USP42: variants seen among roughly 807,000 people sequenced by gnomAD.
The protein encoded by USP42 is ubiquitin specific peptidase 42, also known as ubiquitin carboxyl-terminal hydrolase 42.
USP42 carries 23 observed loss-of-function variants against 113.0 expected under a neutral mutation model. That is an observed-to-expected ratio of 0.20 (90% confidence interval 0.15 to 0.29). The LOEUF (loss-of-function observed/expected upper bound fraction) is 0.29. Among genes scored for constraint, USP42 ranks in the 10% least tolerant of loss-of-function variants. The pLI, the probability that USP42 is intolerant of heterozygous loss-of-function variation, is 1.00. For synonymous variants in USP42, 933 were observed against 699.0 expected (o/e 1.33, Z -5.28); for missense variants, 2,174 against 1,779.8 (o/e 1.22, Z -3.99).
At chr7:6,119,498 C>G (rs985168024) in intron 3 of USP42, among the ~76,000 whole-genome samples, 3 of 152,052 alleles carry the variant, frequency 2.0e-5, no homozygotes, top group Non-Finnish European at 2.9e-5. Flanking sequence ...TGTTCTGGCT[C>G]TTCATGGTTG....
At chr7:6,105,819 A>T (rs1779248849) in intron 1 of USP42, among the ~76,000 whole-genome samples, 1 of 152,180 alleles carries the variant, frequency 6.6e-6, no homozygotes, top group African/African-American at 2.4e-5. Flanking sequence ...CCCATCTAGG[A>T]CTTTAACCCC....
rs780076982 is a variant in USP42, at chr7:6,115,336, C to T, written c.255C>T (p.Gly85=). 3.1e-6 allele frequency: 5 copies of T among 1,613,840 alleles called. No homozygotes were observed. Among genetic ancestry groups the T allele is most frequent in the South Asian group, 1.1e-5 (1 of 91,090 alleles). Residue 85 remains glycine (G), a synonymous_variant, in exon 3 of 18, where the codon GGC becomes GGT. Transcript: ENST00000306177. ...SPQKDQALGD[G]IAPPQKVLFP... ...TTATTTTTCTAGCCCTAGGTGATGG[C>T]ATCGCTCCTCCACAGAAAGTTCTTT...
At chr7:6,102,625 C>CTG (rs932380476), upstream of USP42, among the ~76,000 whole-genome samples, 1 of 150,580 alleles carries the variant, frequency 6.6e-6, no homozygotes, top group Non-Finnish European at 1.5e-5. Flanking sequence ...GTGTGGTGGG[C>CTG]TGTGCCTGTG....
chr7:6,140,128 A>G lies in USP42; in HGVS notation c.657A>G (p.Lys219=), dbSNP rs1429747677. 1 of 1,613,940 alleles carries G rather than the reference A, an allele frequency of 6.2e-7. No individual in the cohort carries two copies. The highest frequency in any genetic ancestry group is 8.5e-7 in the Non-Finnish European group (1 of 1,179,824). The change falls in exon 6 of 18, where the codon AAA becomes AAG. Residue 219 remains lysine, a splice_region_variant and synonymous_variant. Coordinates refer to ENST00000306177, the MANE Select transcript of USP42 (RefSeq NM_032172.3). ...MQKACLNGSN[K]LDRHTQATTL... ...CATGTCACTGTTCAACGTTTTTCAG[A>G]TTAGACAGACACACCCAGGCCACCA...
intron 12 of USP42, among the ~76,000 whole-genome samples, chr7:6,149,325 C>T (rs1781902039): frequency 6.6e-6 from 1 of 152,134 alleles, no homozygotes; most frequent in African/African-American, 2.4e-5. Context: ...TGGGACAGAA[C>T]GAGTTTGGTC....
Position 6,154,207 on chromosome 7 carries a change from G to T in USP42, c.2653G>T (p.Asp885Tyr). ...CGGGGACCACGCCCGGGACGCTCAG[G>T]ACCCATCCCAGAGCTTGGGCGCACC... is the stretch of plus-strand genomic sequence containing the variant. ...PSGDHARDAQ[D>Y]PSQSLGAPEA... is the part of the protein sequence containing the mutation. The change falls in exon 15 of 18, where the codon GAC (aspartate) becomes TAC (tyrosine). Residue 885 changes from aspartate (D) to tyrosine (Y), a missense_variant. Physicochemically the swap from Asp to Tyr is radical, Grantham distance 160. Transcript: ENST00000306177. 1 of 1,606,304 alleles carries T rather than the reference G, an allele frequency of 6.2e-7. No homozygotes were observed. Among genetic ancestry groups the T allele is most frequent in the African/African-American group, 1.3e-5 (1 of 75,004 alleles).
At chr7:6,128,054 C>G (rs533942557) in intron 3 of USP42, 1 of 152,254 alleles carries the variant, frequency 6.6e-6, no homozygotes, top group East Asian at 1.9e-4. Flanking sequence ...TCAAGCTATC[C>G]TCCTGCCTCA....
chr7:6,157,723 C>T lies in USP42; in HGVS notation c.3943+668C>T, dbSNP rs76351028. ...AGCATTCTGAGTGCACCCTGATGCT[C>T]GGTACTGATTTGCTCGCTTGGTTCC... On this transcript the variant is annotated intron_variant, in intron 16 of 17. Coordinates refer to ENST00000306177, the MANE Select transcript of USP42 (RefSeq NM_032172.3). The surrounding 1 kb of genome is among the most constrained non-coding windows in gnomAD (Gnocchi z 4.1). 0.032 allele frequency among the ~76,000 whole-genome samples: 4,806 copies of T among 152,284 alleles called. 110 individuals carry two copies. Among genetic ancestry groups the T allele is most frequent in the Non-Finnish European group, 0.042 (2,865 of 68,012 alleles).
Position 6,152,032 on chromosome 7 carries a change from T to TAA in USP42, c.2201+1535_2201+1536dup, listed in dbSNP as rs542625271. Among the ~76,000 whole-genome samples the TAA allele has an allele frequency of 4.8e-4, 73 of 150,602 alleles. 1 individual carries two copies. The South Asian group carries it at 0.011, about 23-fold the overall frequency. On this transcript the variant is annotated intron_variant, in intron 14 of 17. Transcript: ENST00000306177. ...AGATAATAAAACCTGCCCCACAATT[T>TAA]AAAAAAAAAATCATGTCATGTTAGT...
intron 3 of USP42, among the ~76,000 whole-genome samples, chr7:6,133,779 C>T (rs904565912): frequency 3.9e-5 from 6 of 152,138 alleles, no homozygotes; most frequent in South Asian, 4.1e-4. Context: ...CTCAGCCTCC[C>T]GAAGCACTGG....
intron 2 of USP42, among the ~76,000 whole-genome samples, chr7:6,114,529 C>T (rs1156736571): frequency 2.0e-5 from 3 of 150,304 alleles, no homozygotes; most frequent in Non-Finnish European, 3.0e-5. Context: ...AGAGTTTTTT[C>T]TAAAAATCAA....
chr7:6,112,943 G>A lies in USP42; in HGVS notation c.241+1569G>A, dbSNP rs182932819. 3.5e-3 allele frequency among the ~76,000 whole-genome samples: 471 copies of A among 133,236 alleles called. 8 individuals carry two copies. The highest frequency in any genetic ancestry group is 0.013 in the African/African-American group (442 of 34,210). The allele number at this position is 133,236 out of a possible 152,430, so 87.4% of individuals were successfully genotyped here. A position where few individuals can be genotyped will look rare whatever the true frequency, so the allele number is the denominator to read the frequency against. ...TTTTGAGACAGAGTCTCGCTCTGTC[G>A]CCCATTCTGGAATGCAGTGGCGCGA... is the stretch of plus-strand genomic sequence containing the variant. On this transcript the variant is annotated intron_variant, in intron 2 of 17. Transcript: ENST00000306177.
intron 3 of USP42, among the ~76,000 whole-genome samples, chr7:6,119,827 A>C (rs1780114804): frequency 2.0e-5 from 3 of 151,966 alleles, no homozygotes; most frequent in Admixed American, 1.3e-4. Flanking sequence ...CCTCAGCCTC[A>C]TGAATAGCCA....
chr7:6,160,612 A>ATAAC lies in USP42; in HGVS notation c.*96_*99dup, dbSNP rs1782721776. 1 of 152,684 alleles carries ATAAC rather than the reference A, an allele frequency of 6.5e-6. No individual in the cohort carries two copies. Among genetic ancestry groups the ATAAC allele is most frequent in the African/African-American group, 2.4e-5 (1 of 41,464 alleles). 9.5% of individuals were successfully genotyped at this position (152,684 alleles called of 1,614,324 possible). A position where few individuals can be genotyped will look rare whatever the true frequency, so the allele number is the denominator to read the frequency against. On this transcript the variant is annotated 3_prime_UTR_variant, in exon 18 of 18. Coordinates refer to ENST00000306177, the MANE Select transcript of USP42 (RefSeq NM_032172.3). ...CCAGCTTAAATTATAAAGATAGACA[A>ATAAC]TAACTCTGTTCCAATCTGCGTGGTG...
chr7:6,119,246 C>T (rs537550221), intron 3 of USP42, among the ~76,000 whole-genome samples: 1 of 152,054 alleles, frequency 6.6e-6, no homozygotes, highest in South Asian at 2.1e-4. Flanking sequence ...GGTAAGTCCT[C>T]CAACTTTGTT....
the USP42 span, among the ~76,000 whole-genome samples, chr7:6,098,144 C>A: frequency 6.7e-6 from 1 of 148,870 alleles, no homozygotes; most frequent in Non-Finnish European, 1.5e-5. Context: ...AACTCGTGAT[C>A]CTTCCACCTT....
At chr7:6,110,727 C>G (rs1779556371) in intron 1 of USP42, among the ~76,000 whole-genome samples, 1 of 152,068 alleles carries the variant, frequency 6.6e-6, no homozygotes, top group Non-Finnish European at 1.5e-5. Flanking sequence ...AAGATGTAGT[C>G]AAATGTATTA....
In USP42 at chr7:6,159,550, G is replaced by A; in HGVS notation, c.*36+57G>A. ...TTTGTGGTGGCGCTGAGGGGACGCAGGCAGAGGAGTTTTAATTCTGCGGCT... is the reference window on the plus strand; with the variant it reads ...TTTGTGGTGGCGCTGAGGGGACGCAAGCAGAGGAGTTTTAATTCTGCGGCT... On this transcript the variant is annotated intron_variant, in intron 17 of 17. Transcript: ENST00000306177. The surrounding 1 kb of genome is among the most constrained non-coding windows in gnomAD (Gnocchi z 4.1). The A allele has an allele frequency of 6.5e-7, 1 of 1,544,096 alleles. No homozygotes were observed. The highest frequency in any genetic ancestry group is 8.9e-7 in the Non-Finnish European group (1 of 1,119,668).
the USP42 span, among the ~76,000 whole-genome samples, chr7:6,091,982 TTCTTCTTCTTC>T: frequency 9.4e-5 from 2 of 21,364 alleles, no homozygotes; most frequent in Non-Finnish European, 2.1e-4. Context: ...GTATTTTTTC[TTCTTCTTCTTC>T]TTCTTCTTCT....
Sources: gnomAD v4.1 joint callset for allele counts (sites outside exome capture counted in the v4.1 genomes callset) on GRCh38, gnomAD v4.1.1 for gene constraint, Gnocchi (gnomAD v3.1) non-coding constraint, MANE v1.5 for transcripts, NCBI Gene and HGNC (gene_info 2026-07-23, HGNC 2026-07-21) for gene names.